Variants in ACSM2B observed in about 807,000 individuals in gnomAD.
ACSM2B encodes the protein acyl-coenzyme A synthetase ACSM2B, mitochondrial.
In ACSM2B, 58 loss-of-function variants were observed where a neutral mutation model predicts 78.6. The observed-to-expected ratio is 0.74, with a 90% CI of 0.60 to 0.92. ACSM2B has a LOEUF of 0.92. ACSM2B is among the 40% of genes least tolerant of loss of function. The pLI is 0.00. For synonymous variants in ACSM2B, 257 were observed against 256.8 expected (o/e 1.00, Z -0.01); for missense variants, 688 against 711.2 (o/e 0.97, Z 0.37).
At chr16:20,539,618 A>T (rs1378892883) in intron 13 of ACSM2B, among the ~76,000 whole-genome samples, 1 of 151,908 alleles carries the variant, frequency 6.6e-6, no homozygotes, top group African/African-American at 2.4e-5. Context: ...TCTCTCCCCC[A>T]TCCCCCCTGC....
In ACSM2B at chr16:20,546,486, A is replaced by G; in HGVS notation, c.1099-12T>C. The G allele has an allele frequency of 1.3e-6, 2 of 1,587,590 alleles. No homozygotes were observed. The highest frequency in any genetic ancestry group is 2.2e-5 in the East Asian group (1 of 44,692). On this transcript the variant is annotated splice_polypyrimidine_tract_variant and intron_variant, in intron 8 of 13. Coordinates refer to ENST00000329697, the MANE Select transcript of ACSM2B (RefSeq NM_001105069.2). ...ATGCAAGTTAATCCCTGTGGAAAGA[A>G]GCAGACAGATCAGCAAACCTCAGGA...
intron 9 of ACSM2B, 28 bp downstream of exon 9, chr16:20,546,366 T>C (rs12927522): frequency 0.22 from 343,456 of 1,572,556 alleles, 43,820 homozygotes; most frequent in East Asian, 0.68. Flanking sequence ...TCCCCTAACT[T>C]CCTCCCTCCT....
intron 1 of ACSM2B, among the ~76,000 whole-genome samples, chr16:20,565,899 T>C (rs1323345906): frequency 6.6e-6 from 1 of 151,926 alleles, no homozygotes; most frequent in Non-Finnish European, 1.5e-5. Context: ...CTCCCACTTA[T>C]GGCTGAGAAC....
At chr16:20,555,066 G>T (rs1321900952) in intron 4 of ACSM2B, among the ~76,000 whole-genome samples, 1 of 151,688 alleles carries the variant, frequency 6.6e-6, no homozygotes. Context: ...TGCTCAGAAG[G>T]TCCAGGCAGA....
chr16:20,555,484 A>G lies in ACSM2B; in HGVS notation c.389-8T>C. On this transcript the variant is annotated splice_region_variant and splice_polypyrimidine_tract_variant and intron_variant, in intron 3 of 13. Transcript: ENST00000329697. The stretch of plus-strand genomic sequence containing the variant: ...CAGGCATAAAGATGAGACCTAAAGA[A>G]GCCAACAATTTAGAGAATTGGAAAG... 6.2e-7 allele frequency: 1 copy of G among 1,611,414 alleles called. No homozygotes were observed. The highest frequency in any genetic ancestry group is 8.5e-7 in the Non-Finnish European group (1 of 1,178,038).
At chr16:20,558,125 G>T (rs990290284) in intron 3 of ACSM2B, among the ~76,000 whole-genome samples, 23 of 152,236 alleles carry the variant, frequency 1.5e-4, no homozygotes, top group East Asian at 5.8e-4. Context: ...CAATTTCTCC[G>T]ATAGATTACA....
rs111826218 is a variant in ACSM2B, at chr16:20,537,771, C to A, written c.1630-409G>T. Among the ~76,000 whole-genome samples, 162 of 152,184 alleles carry A rather than the reference C, an allele frequency of 1.1e-3. No individual in the cohort carries two copies. In the Middle Eastern group the frequency reaches 0.014, roughly 13 times the overall value. On this transcript the variant is annotated intron_variant, in intron 13 of 13. Coordinates refer to ENST00000329697, the MANE Select transcript of ACSM2B (RefSeq NM_001105069.2). ...AACTTCATTGGGTGATTACATGGACCAAAGGAGATTATGCAGGCTAAGTTA... is the reference window on the plus strand; with the variant it reads ...AACTTCATTGGGTGATTACATGGACAAAAGGAGATTATGCAGGCTAAGTTA...
intron 1 of ACSM2B, among the ~76,000 whole-genome samples, chr16:20,565,264 A>G (rs933663770): frequency 4.3e-4 from 66 of 152,216 alleles, no homozygotes; most frequent in Non-Finnish European, 2.5e-4. Context: ...ATATGTATCC[A>G]CCTCTCATTG....
intron 6 of ACSM2B, among the ~76,000 whole-genome samples, chr16:20,549,246 T>C (rs1278909601): frequency 1.3e-5 from 2 of 152,148 alleles, no homozygotes; most frequent in Admixed American, 6.6e-5. Context: ...TCTTAATCTG[T>C]TTTCTGTTGT....
At chr16:20,558,205 G>C (rs1285357494) in intron 3 of ACSM2B, among the ~76,000 whole-genome samples, 4 of 152,046 alleles carry the variant, frequency 2.6e-5, no homozygotes, top group Non-Finnish European at 5.9e-5. Context: ...GGACCAGCTT[G>C]CACTACCCAG....
intron 1 of ACSM2B, among the ~76,000 whole-genome samples, chr16:20,566,376 T>C (rs2015841129): frequency 7.5e-6 from 1 of 132,788 alleles, no homozygotes; most frequent in African/African-American, 2.8e-5. Context: ...CTATATAAAA[T>C]ATATATACTA....
At chr16:20,570,266 T>A (rs540780660) in intron 1 of ACSM2B, among the ~76,000 whole-genome samples, 1 of 151,880 alleles carries the variant, frequency 6.6e-6, no homozygotes, top group African/African-American at 2.4e-5. Flanking sequence ...GTTTTAATCA[T>A]AAGAGGATGC....
At chr16:20,540,538 C>G in intron 13 of ACSM2B, 116 bp downstream of exon 13, 3 of 1,505,656 alleles carry the variant, frequency 2.0e-6, no homozygotes, top group Non-Finnish European at 2.7e-6. Context: ...CCACCATGTC[C>G]GGCCCAGGAA....
intron 3 of ACSM2B, among the ~76,000 whole-genome samples, chr16:20,557,527 C>T (rs927334007): frequency 4.6e-5 from 7 of 152,180 alleles, no homozygotes; most frequent in African/African-American, 1.7e-4. Context: ...CTTCCTCATC[C>T]CATTCCCTAT....
chr16:20,552,250 G>T lies in ACSM2B; in HGVS notation c.788C>A (p.Thr263Lys). ...ASDIMWTISD[T>K]GWILNILGSL... ...GCCCAAGATGTTCAGTATCCAACCT[G>T]TGTCTGATATGGTCCACATTATATC... Residue 263 changes from threonine to lysine, a missense_variant, in exon 6 of 14, where the codon ACA (threonine) becomes AAA (lysine). Coordinates refer to ENST00000329697, the MANE Select transcript of ACSM2B (RefSeq NM_001105069.2). 2 of 1,613,818 alleles carry T rather than the reference G, an allele frequency of 1.2e-6. No individual in the cohort carries two copies. The highest frequency in any genetic ancestry group is 1.7e-6 in the Non-Finnish European group (2 of 1,179,794).
At position 20,560,572 on chromosome 16, in the gene ACSM2B, T is replaced by C. The variant is rs142550429; in HGVS notation, c.178-1125A>G. On this transcript the variant is annotated intron_variant, in intron 2 of 13. Transcript: ENST00000329697. ...TACACTGTGCAGAACTTTGGGCCAA[T>C]TAAATCTCTTTTCTTTGTAAGTTAC... Among the ~76,000 whole-genome samples the C allele has an allele frequency of 7.4e-3, 1,119 of 152,220 alleles. 11 individuals are homozygous for C. The highest frequency in any genetic ancestry group is 0.02 in the Middle Eastern group (6 of 294).
intron 2 of ACSM2B, among the ~76,000 whole-genome samples, chr16:20,560,795 G>T (rs1410368902): frequency 1.3e-5 from 2 of 152,022 alleles, no homozygotes; most frequent in Non-Finnish European, 2.9e-5. Context: ...CTTAGGCACT[G>T]GTTAAATAGT....
intron 13 of ACSM2B, among the ~76,000 whole-genome samples, chr16:20,538,671 C>A (rs1478946148): frequency 3.9e-5 from 6 of 152,116 alleles, no homozygotes; most frequent in Non-Finnish European, 5.9e-5. Flanking sequence ...TTGAGTAAGA[C>A]ACTGCACACT....
intron 2 of ACSM2B, among the ~76,000 whole-genome samples, chr16:20,560,659 G>A (rs1266891535): frequency 6.6e-6 from 1 of 152,008 alleles, no homozygotes; most frequent in African/African-American, 2.4e-5. Context: ...ATTGGTACCA[G>A]AAGTGGGATA....
Sources: gnomAD v4.1 joint callset for allele counts (sites outside exome capture counted in the v4.1 genomes callset) on GRCh38, gnomAD v4.1.1 for gene constraint, MANE v1.5 for transcripts, NCBI Gene and HGNC (gene_info 2026-07-23, HGNC 2026-07-21) for gene names.